The following GPNMB variants were observed in gnomAD, a reference collection of about 807,000 sequenced individuals.
The protein encoded by GPNMB is glycoprotein nmb.
Under a neutral mutation model 57.3 loss-of-function variants are expected in GPNMB, and 71 were observed. The observed-to-expected ratio is 1.24, with a 90% CI of 1.02 to 1.51. The LOEUF is 1.51. Among genes scored for constraint, GPNMB ranks in the 40% most tolerant of loss-of-function variants. The probability of loss-of-function intolerance (pLI) is 0.00; values close to 1 mark genes in which losing one functional copy is unlikely to be tolerated. For synonymous variants in GPNMB, 253 were observed against 263.2 expected (o/e 0.96, Z 0.38); for missense variants, 677 against 691.9 (o/e 0.98, Z 0.24).
chr7:23,254,698 T>G (rs1451497056), intron 3 of GPNMB, among the ~76,000 whole-genome samples: 1 of 152,232 alleles, frequency 6.6e-6, no homozygotes, highest in Admixed American at 6.5e-5. Flanking sequence ...CAGTCTAATT[T>G]AGGCTGACAA....
Position 23,253,287 on chromosome 7 carries a change from T to A in GPNMB, c.71-20T>A, listed in dbSNP as rs1183708993. ...TGATTACTAAATGAAGAATGGAATTTGTTTCGAATATTGATACAGGATTTC... is the reference window on the plus strand; with the variant it reads ...TGATTACTAAATGAAGAATGGAATTAGTTTCGAATATTGATACAGGATTTC... On this transcript the variant is annotated intron_variant, in intron 1 of 10. Coordinates refer to ENST00000258733, the MANE Select transcript of GPNMB (RefSeq NM_002510.3). 2 of 1,606,008 alleles carry A rather than the reference T, an allele frequency of 1.2e-6. No homozygotes were observed. Among genetic ancestry groups the A allele is most frequent in the South Asian group, 2.2e-5 (2 of 89,808 alleles).
At position 23,273,659 on chromosome 7, in the gene GPNMB, C is replaced by G. The variant is rs373399241; in HGVS notation, c.1523+45C>G. The G allele has an allele frequency of 2.6e-5, 31 of 1,182,870 alleles. No individual in the cohort carries two copies. The African/African-American group carries it at 4.5e-4, about 17-fold the overall frequency. The allele number at this position is 1,182,870 out of a possible 1,614,324, so 73.3% of individuals were successfully genotyped here. ...GCTTTATATCACTATAGTGTATTGTCAAAAGTGAATATATCTCTGTGTAAA... is the reference window on the plus strand; with the variant it reads ...GCTTTATATCACTATAGTGTATTGTGAAAAGTGAATATATCTCTGTGTAAA... On this transcript the variant is annotated intron_variant, in intron 10 of 10. Transcript: ENST00000258733.
intron 6 of GPNMB, among the ~76,000 whole-genome samples, chr7:23,264,566 T>G (rs1296850043): frequency 6.6e-6 from 1 of 151,924 alleles, no homozygotes; most frequent in East Asian, 1.9e-4. Context: ...TAATGGAGAC[T>G]AGGTTCCACC....
chr7:23,271,161 A>G (rs1783194433), intron 9 of GPNMB, among the ~76,000 whole-genome samples: 1 of 152,238 alleles, frequency 6.6e-6, no homozygotes, highest in Non-Finnish European at 1.5e-5. Context: ...TCGCATGTGC[A>G]GTTCACAATA....
intron 1 of GPNMB, chr7:23,250,574 A>AAG (rs1356715581): frequency 6.6e-6 from 1 of 151,946 alleles, no homozygotes; most frequent in East Asian, 1.9e-4. Flanking sequence ...CTTCAAAAAA[A>AAG]AAAAAATTAG....
intron 4 of GPNMB, chr7:23,257,541 G>C (rs1226090777): frequency 5.6e-6 from 1 of 177,420 alleles, no homozygotes; most frequent in Non-Finnish European, 1.2e-5. Flanking sequence ...GTGTGGTGGT[G>C]CGCACCTGTA....
chr7:23,246,942 A>G lies in GPNMB; in HGVS notation c.70+15A>G, dbSNP rs771689044. ...TGCCGCCAAACGTGAGTAACCCTTA[A>G]TTTCTATGTTTAACCCATTCTCTGG... On this transcript the variant is annotated intron_variant, in intron 1 of 10. Coordinates refer to ENST00000258733, the MANE Select transcript of GPNMB (RefSeq NM_002510.3). 32 of 1,593,994 alleles carry G rather than the reference A, an allele frequency of 2.0e-5. No individual in the cohort carries two copies. In the South Asian group the frequency reaches 3.3e-4, roughly 16 times the overall value.
chr7:23,262,900 G>A (rs144449799), intron 6 of GPNMB, among the ~76,000 whole-genome samples: 44 of 152,192 alleles, frequency 2.9e-4, no homozygotes, highest in African/African-American at 1.0e-3. Flanking sequence ...GATTATAAGC[G>A]TGAGGCACTG....
intron 1 of GPNMB, 110 bp from the exon 2 acceptor site, chr7:23,253,197 C>A (rs980080399): frequency 3.4e-6 from 3 of 875,118 alleles, no homozygotes; most frequent in Non-Finnish European, 5.2e-6. Context: ...ACTTGATGCA[C>A]TGAATATATT....
At position 23,274,200 on chromosome 7, in the gene GPNMB, C is replaced by A; in HGVS notation, c.1659C>A (p.Asn553Lys). 1.9e-6 allele frequency: 3 copies of A among 1,613,168 alleles called. No individual in the cohort carries two copies. Among genetic ancestry groups the A allele is most frequent in the Non-Finnish European group, 2.5e-6 (3 of 1,179,756 alleles). ...GNQEKDPLLK[N>K]QEFKGVS Reference sequence around the variant, plus strand: ...AGGAAAAGGATCCGCTACTCAAAAACCAAGAATTTAAAGGAGTTTCTTAAA... The same window carrying A: ...AGGAAAAGGATCCGCTACTCAAAAAACAAGAATTTAAAGGAGTTTCTTAAA... The change falls in exon 11 of 11, where the codon AAC (asparagine) becomes AAA (lysine). Residue 553 changes from asparagine (N) to lysine (K), a missense_variant. Coordinates refer to ENST00000258733, the MANE Select transcript of GPNMB (RefSeq NM_002510.3).
At chr7:23,271,941 G>T (rs988003335) in intron 9 of GPNMB, among the ~76,000 whole-genome samples, 2 of 152,188 alleles carry the variant, frequency 1.3e-5, no homozygotes, top group African/African-American at 4.8e-5. Context: ...AGGGCTTATT[G>T]TTGGTGATAT....
chr7:23,263,147 CTTAATG>C (rs909362521), intron 6 of GPNMB, among the ~76,000 whole-genome samples: 1 of 152,038 alleles, frequency 6.6e-6, no homozygotes, highest in African/African-American at 2.4e-5. Flanking sequence ...TGGTAAAAGA[CTTAATG>C]TTAGGTTGTT....
chr7:23,262,109 GTTATAAA>G (rs1288991790), intron 6 of GPNMB, among the ~76,000 whole-genome samples: 18 of 152,126 alleles, frequency 1.2e-4, no homozygotes, highest in Admixed American at 1.2e-3. Context: ...AATCCTGTTT[GTTATAAA>G]TTATAAAGTT....
At chr7:23,262,454 G>C (rs1562639290) in intron 6 of GPNMB, among the ~76,000 whole-genome samples, 1 of 151,748 alleles carries the variant, frequency 6.6e-6, no homozygotes, top group Non-Finnish European at 1.5e-5. Context: ...ACACAAGAGG[G>C]CTATTCATAT....
chr7:23,256,785 A>G (rs1782788114), intron 3 of GPNMB, 107 bp from the exon 4 acceptor site: 1 of 820,044 alleles, frequency 1.2e-6, no homozygotes, highest in Non-Finnish European at 2.0e-6. Context: ...AACTACTTTT[A>G]AACTAGTTAT....
chr7:23,274,115 G>C lies in GPNMB; in HGVS notation c.1574G>C (p.Arg525Thr), dbSNP rs772661002. Residue 525 changes from arginine to threonine, a missense_variant, in exon 11 of 11, where the codon AGA becomes ACA. Coordinates refer to ENST00000258733, the MANE Select transcript of GPNMB (RefSeq NM_002510.3). ...PIENSPGNVV[R>T]SKGLSVFLNR... ...GAAAATAGTCCTGGGAATGTGGTCA[G>C]AAGCAAAGGCCTGAGTGTCTTTCTC... 4 of 1,613,204 alleles carry C rather than the reference G, an allele frequency of 2.5e-6. No individual in the cohort carries two copies. Among genetic ancestry groups the C allele is most frequent in the Non-Finnish European group, 3.4e-6 (4 of 1,179,290 alleles).
intron 3 of GPNMB, among the ~76,000 whole-genome samples, chr7:23,255,525 A>G (rs1430397722): frequency 6.6e-6 from 1 of 152,152 alleles, no homozygotes; most frequent in Non-Finnish European, 1.5e-5. Flanking sequence ...GAATACATAC[A>G]TCTCTTTGAT....
intron 3 of GPNMB, among the ~76,000 whole-genome samples, chr7:23,256,189 A>C (rs1438952034): frequency 6.6e-6 from 1 of 152,204 alleles, no homozygotes. Context: ...TACAGGTGTG[A>C]GCCACTGCAC....
At chr7:23,271,241 C>T (rs1324784391) in intron 9 of GPNMB, among the ~76,000 whole-genome samples, 1 of 152,214 alleles carries the variant, frequency 6.6e-6, no homozygotes, top group Non-Finnish European at 1.5e-5. Flanking sequence ...GGCGATAATG[C>T]TCAGTCGTTT....
Sources: allele counts gnomAD v4.1 joint callset (sites outside exome capture counted in the v4.1 genomes callset), GRCh38; gene constraint gnomAD v4.1.1; transcripts MANE v1.5; gene names NCBI Gene and HGNC (gene_info 2026-07-23, HGNC 2026-07-21).